The following CCBE1 variants were observed in gnomAD, a reference collection of about 807,000 sequenced individuals.
CCBE1 encodes collagen and calcium-binding EGF domain-containing protein 1.
CCBE1 carries 37 observed loss-of-function variants against 50.0 expected under a neutral mutation model. The ratio of observed to expected loss-of-function variants is 0.74; its 90% confidence interval spans 0.57 to 0.97. CCBE1 has a LOEUF of 0.97. Among genes scored for constraint, CCBE1 ranks in the 50% least tolerant of loss-of-function variants. CCBE1 has a pLI of 0.00. For synonymous variants in CCBE1, 234 were observed against 203.7 expected, an observed-to-expected ratio of 1.15 and a Z score of -1.27; for missense variants, 538 against 523.8, an observed-to-expected ratio of 1.03 and a Z score of -0.26.
chr18:59,620,064 A>C (rs959976803), intron 2 of CCBE1, among the ~76,000 whole-genome samples: 5 of 152,174 alleles, frequency 3.3e-5, no homozygotes, highest in African/African-American at 1.2e-4. Flanking sequence ...GGGGAATAGG[A>C]AAGGAAAGAG....
intron 2 of CCBE1, among the ~76,000 whole-genome samples, chr18:59,645,856 C>T (rs1169395151): frequency 6.6e-6 from 1 of 152,002 alleles, no homozygotes; most frequent in East Asian, 1.9e-4. Flanking sequence ...ACGGTGAAAC[C>T]CCGTCTCTGC....
chr18:59,489,536 C>T (rs982034835), intron 2 of CCBE1, among the ~76,000 whole-genome samples: 1 of 152,268 alleles, frequency 6.6e-6, no homozygotes, highest in East Asian at 1.9e-4. Context: ...GCCTCAGTCT[C>T]CCAAGTAGCT....
At chr18:59,557,905 A>T (rs1011938208) in intron 2 of CCBE1, among the ~76,000 whole-genome samples, 1 of 152,218 alleles carries the variant, frequency 6.6e-6, no homozygotes, top group Admixed American at 6.5e-5. Flanking sequence ...TGGTAACAAT[A>T]CCTTTATTAA....
intron 2 of CCBE1, among the ~76,000 whole-genome samples, chr18:59,505,601 T>C (rs1409582103): frequency 6.6e-6 from 1 of 152,242 alleles, no homozygotes; most frequent in Admixed American, 6.5e-5. Flanking sequence ...CCAGCACTTT[T>C]CTTACTGTGT....
At chr18:59,614,297 G>C (rs2053610866) in intron 2 of CCBE1, among the ~76,000 whole-genome samples, 1 of 152,144 alleles carries the variant, frequency 6.6e-6, no homozygotes, top group African/African-American at 2.4e-5. Context: ...ATCGTGCCTG[G>C]TTCTCCAGTG....
chr18:59,579,500 GT>G (rs1314455523), intron 2 of CCBE1, among the ~76,000 whole-genome samples: 1 of 152,060 alleles, frequency 6.6e-6, no homozygotes, highest in Non-Finnish European at 1.5e-5. Context: ...GCTTTTCAAT[GT>G]GCTCTAAGAT....
At chr18:59,514,078 C>G (rs928002371) in intron 2 of CCBE1, among the ~76,000 whole-genome samples, 1 of 152,236 alleles carries the variant, frequency 6.6e-6, no homozygotes, top group African/African-American at 2.4e-5. Flanking sequence ...CTCATATACA[C>G]CACACCATAT....
In CCBE1 at chr18:59,477,538, C is replaced by CTG. The variant is rs55840819; in HGVS notation, c.265+2646_265+2647dup. On this transcript the variant is annotated intron_variant, in intron 3 of 10. Transcript: ENST00000439986. ...CTTTCCATGGATTATTTCCATGTCT[C>CTG]TGTGTGTGTGTGTGTGTGTGTGTGT... 3.8e-3 allele frequency among the ~76,000 whole-genome samples: 566 copies of CTG among 149,988 alleles called. 4 individuals are homozygous for CTG. Among genetic ancestry groups the CTG allele is most frequent in the East Asian group, 8.8e-3 (45 of 5,102 alleles).
intron 5 of CCBE1, among the ~76,000 whole-genome samples, chr18:59,458,213 C>A (rs926913479): frequency 1.3e-4 from 20 of 152,206 alleles, no homozygotes; most frequent in East Asian, 5.8e-4. Flanking sequence ...ATCTTCCTAA[C>A]CACTTATCAA....
At chr18:59,448,473 G>A (rs967580750) in intron 6 of CCBE1, among the ~76,000 whole-genome samples, 1 of 152,078 alleles carries the variant, frequency 6.6e-6, no homozygotes, top group African/African-American at 2.4e-5. Flanking sequence ...TGCAGGTCCT[G>A]GCTTGGTTCT....
At chr18:59,660,405 CAA>C (rs935293897) in intron 2 of CCBE1, among the ~76,000 whole-genome samples, 1 of 152,058 alleles carries the variant, frequency 6.6e-6, no homozygotes, top group African/African-American at 2.4e-5. Context: ...CTTAGCAAGG[CAA>C]AAGAGTTTCA....
intron 2 of CCBE1, among the ~76,000 whole-genome samples, chr18:59,551,026 A>AAAAAAAAAC (rs1568201664): frequency 1.7e-5 from 2 of 117,774 alleles, no homozygotes; most frequent in African/African-American, 6.9e-5. Flanking sequence ...AAAAAAAAAA[A>AAAAAAAAAC]AAAGAAAAGA....
At position 59,431,303 on chromosome 18, in the gene CCBE1, A is replaced by C. The variant is rs1193999409; in HGVS notation, c.*4605T>G. ...AAAATTATTTTTGACTTGTTGTGAG[A>C]TATAAATATTGACTATGCCAGGAAA... On this transcript the variant is annotated 3_prime_UTR_variant, in exon 11 of 11. Coordinates refer to ENST00000439986, the MANE Select transcript of CCBE1 (RefSeq NM_133459.4). The C allele has an allele frequency of 2.6e-5, 4 of 152,244 alleles. No individual in the cohort carries two copies. The highest frequency in any genetic ancestry group is 2.6e-4 in the Admixed American group (4 of 15,278). 9.4% of individuals were successfully genotyped at this position (152,244 alleles called of 1,614,324 possible).
intron 2 of CCBE1, among the ~76,000 whole-genome samples, chr18:59,517,046 A>G (rs1032440179): frequency 6.6e-6 from 1 of 152,210 alleles, no homozygotes; most frequent in Admixed American, 6.5e-5. Flanking sequence ...CTTAAACCAC[A>G]CAATATAGAA....
chr18:59,657,305 G>C (rs906467046), intron 2 of CCBE1, among the ~76,000 whole-genome samples: 2 of 152,210 alleles, frequency 1.3e-5, no homozygotes, highest in Non-Finnish European at 2.9e-5. Flanking sequence ...CAGTGTGAAA[G>C]GCTGAACAGC....
chr18:59,485,308 C>G (rs1912763601), intron 2 of CCBE1, among the ~76,000 whole-genome samples: 1 of 151,962 alleles, frequency 6.6e-6, no homozygotes, highest in South Asian at 2.1e-4. Flanking sequence ...GCCCTCCAGC[C>G]AGGAGTGTGT....
intron 2 of CCBE1, among the ~76,000 whole-genome samples, chr18:59,567,977 A>G (rs1371044395): frequency 2.0e-5 from 3 of 152,172 alleles, no homozygotes; most frequent in Non-Finnish European, 2.9e-5. Context: ...TCTTGCTCAT[A>G]GATTTTTAGA....
At chr18:59,501,625 T>C (rs895981440) in intron 2 of CCBE1, among the ~76,000 whole-genome samples, 1 of 152,172 alleles carries the variant, frequency 6.6e-6, no homozygotes, top group Non-Finnish European at 1.5e-5. Flanking sequence ...GGATTTCCAC[T>C]TTCTCTGAGC....
At chr18:59,618,799 G>A (rs1259311692) in intron 2 of CCBE1, among the ~76,000 whole-genome samples, 1 of 152,002 alleles carries the variant, frequency 6.6e-6, no homozygotes, top group Non-Finnish European at 1.5e-5. Flanking sequence ...AGGATAAGAG[G>A]AAGTGCTCAG....
Sources: gnomAD v4.1 joint callset for allele counts (sites outside exome capture counted in the v4.1 genomes callset) on GRCh38, gnomAD v4.1.1 for gene constraint, MANE v1.5 for transcripts, NCBI Gene and HGNC (gene_info 2026-07-23, HGNC 2026-07-21) for gene names.